The following CD53 variants were observed in gnomAD, a reference collection of about 807,000 sequenced individuals.
The protein encoded by CD53 is leukocyte surface antigen CD53.
CD53 carries 20 observed loss-of-function variants against 27.3 expected under a neutral mutation model. The observed-to-expected ratio is 0.73, with a 90% CI of 0.52 to 1.07. CD53 has a LOEUF of 1.07. CD53 is among the 50% of genes least tolerant of loss of function. The pLI, the probability that CD53 is intolerant of heterozygous loss-of-function variation, is 0.00. For synonymous variants in CD53, 106 were observed against 105.3 expected (o/e 1.01, Z -0.04); for missense variants, 216 against 264.0 (o/e 0.82, Z 1.26).
chr1:110,878,357 C>A (rs1244154615), intron 1 of CD53, among the ~76,000 whole-genome samples: 3 of 152,106 alleles, frequency 2.0e-5, no homozygotes, highest in Non-Finnish European at 2.9e-5. Flanking sequence ...CTGCCACAGG[C>A]TCTGTGTAGG....
In CD53 at chr1:110,899,229, C is replaced by A. The variant is rs79198256; in HGVS notation, c.*34C>A. The A allele has an allele frequency of 1.3e-6, 2 of 1,505,814 alleles. No individual in the cohort carries two copies. Among genetic ancestry groups the A allele is most frequent in the South Asian group, 1.1e-5 (1 of 88,870 alleles). 93.3% of individuals were successfully genotyped at this position (1,505,814 alleles called of 1,614,324 possible). On this transcript the variant is annotated 3_prime_UTR_variant, in exon 8 of 8. Transcript: ENST00000271324. ...AGTCCTGTGGTGAAGAGACTTGTTT[C>A]ATCTCCGGAAATGCAAAACCATTTA...
intron 6 of CD53, 110 bp from the exon 7 acceptor site, chr1:110,897,699 C>G (rs1292833539): frequency 4.8e-6 from 3 of 620,010 alleles, no homozygotes; most frequent in South Asian, 4.2e-5. Flanking sequence ...AATACCTAAG[C>G]CTCTTTGTAT....
At chr1:110,881,184 C>T (rs551900950) in intron 1 of CD53, among the ~76,000 whole-genome samples, 5 of 152,248 alleles carry the variant, frequency 3.3e-5, no homozygotes, top group African/African-American at 1.2e-4. Flanking sequence ...GCATCACTCA[C>T]CACAGATTGT....
At chr1:110,897,653 C>A (rs1657123428) in intron 6 of CD53, 156 bp from the exon 7 acceptor site, 4 of 485,878 alleles carry the variant, frequency 8.2e-6, no homozygotes, top group East Asian at 6.6e-5. Context: ...CCACCTTATG[C>A]CTGTTTCTTC....
chr1:110,886,870 T>TATATATA (rs1491267172), intron 1 of CD53, among the ~76,000 whole-genome samples: 23 of 35,508 alleles, frequency 6.5e-4, no homozygotes, highest in Admixed American at 3.9e-3. Flanking sequence ...TATATATATA[T>TATATATA]TTTTTTTTTC....
intron 1 of CD53, among the ~76,000 whole-genome samples, chr1:110,886,870 T>TATATATATATATA (rs1491267172): frequency 3.0e-3 from 107 of 35,512 alleles, no homozygotes; most frequent in South Asian, 0.01. Flanking sequence ...TATATATATA[T>TATATATATATATA]TTTTTTTTTC....
At chr1:110,875,725 C>G (rs1656105394) in intron 1 of CD53, among the ~76,000 whole-genome samples, 1 of 152,144 alleles carries the variant, frequency 6.6e-6, no homozygotes, top group Non-Finnish European at 1.5e-5. Context: ...AGAAAACAGA[C>G]AGCTATGCAG....
At chr1:110,894,847 G>T in intron 4 of CD53, 113 bp from the exon 5 acceptor site, 1 of 769,368 alleles carries the variant, frequency 1.3e-6, no homozygotes, top group Admixed American at 2.0e-5. Context: ...GTTCTGAGGA[G>T]ACCATTTGGA....
intron 1 of CD53, among the ~76,000 whole-genome samples, chr1:110,879,249 T>C (rs905686123): frequency 3.9e-5 from 6 of 152,156 alleles, no homozygotes; most frequent in Non-Finnish European, 5.9e-5. Context: ...ATCCTGGAAA[T>C]AGTATCTCAT....
chr1:110,892,063 AG>A (rs1387072161), intron 2 of CD53, among the ~76,000 whole-genome samples: 6 of 152,370 alleles, frequency 3.9e-5, no homozygotes, highest in African/African-American at 1.4e-4. Flanking sequence ...AGGAAAAAGA[AG>A]TTAGACCTAT....
At chr1:110,890,831 A>G (rs1391546374) in intron 1 of CD53, among the ~76,000 whole-genome samples, 2 of 152,240 alleles carry the variant, frequency 1.3e-5, no homozygotes, top group African/African-American at 4.8e-5. Context: ...TCATGGTTGC[A>G]TCTTCCACAA....
chr1:110,874,395 G>A (rs1656052081), intron 1 of CD53, among the ~76,000 whole-genome samples: 4 of 152,164 alleles, frequency 2.6e-5, no homozygotes, highest in Admixed American at 1.3e-4. Flanking sequence ...TGTGGGGGAG[G>A]GAGATGAAAA....
chr1:110,872,939 T>C (rs1570891548), upstream of CD53, among the ~76,000 whole-genome samples: 1 of 152,190 alleles, frequency 6.6e-6, no homozygotes, highest in African/African-American at 2.4e-5. Flanking sequence ...GATCTGTGCC[T>C]GAACCAACTT....
At chr1:110,895,807 AT>A (rs1657037416) in intron 5 of CD53, among the ~76,000 whole-genome samples, 1 of 152,132 alleles carries the variant, frequency 6.6e-6, no homozygotes, top group African/African-American at 2.4e-5. Flanking sequence ...AATAGTTAAC[AT>A]TTTCCAGTGT....
intron 5 of CD53, among the ~76,000 whole-genome samples, chr1:110,895,840 C>A (rs1383035070): frequency 2.0e-5 from 3 of 152,116 alleles, no homozygotes; most frequent in African/African-American, 7.2e-5. Context: ...ATTCCCCACA[C>A]TTTTTTCGTT....
At chr1:110,871,628 AT>A (rs1362004333), upstream of CD53, among the ~76,000 whole-genome samples, 1 of 152,134 alleles carries the variant, frequency 6.6e-6, no homozygotes. Flanking sequence ...AGCCATCAGA[AT>A]GGGTGAGATA....
At chr1:110,885,425 C>T (rs1212073560) in intron 1 of CD53, among the ~76,000 whole-genome samples, 1 of 152,148 alleles carries the variant, frequency 6.6e-6, no homozygotes, top group Non-Finnish European at 1.5e-5. Context: ...GTAGTCCTAG[C>T]CACTCGGGAG....
chr1:110,891,617 A>G lies in CD53; in HGVS notation c.63+146A>G. 3 of 672,094 alleles carry G rather than the reference A, an allele frequency of 4.5e-6. No homozygotes were observed. The South Asian group carries it at 5.2e-5, about 12-fold the overall frequency. 41.6% of individuals were successfully genotyped at this position (672,094 alleles called of 1,614,324 possible). A position where few individuals can be genotyped will look rare whatever the true frequency, so the allele number is the denominator to read the frequency against. On this transcript the variant is annotated intron_variant, in intron 2 of 7. Coordinates refer to ENST00000271324, the MANE Select transcript of CD53 (RefSeq NM_000560.4). ...CAACCATCCTAGAAACAAAAGAGTAATAATTTTTCCCCTCTTCCTGCCACA... is the reference window on the plus strand; with the variant it reads ...CAACCATCCTAGAAACAAAAGAGTAGTAATTTTTCCCCTCTTCCTGCCACA...
chr1:110,891,314 C>T, intron 1 of CD53, 78 bp from the exon 2 acceptor site: 1 of 989,568 alleles, frequency 1.0e-6, no homozygotes, highest in Non-Finnish European at 1.6e-6. Context: ...TGCTAGAGAT[C>T]CCTGAACATT....
Sources: allele counts gnomAD v4.1 joint callset (sites outside exome capture counted in the v4.1 genomes callset), GRCh38; gene constraint gnomAD v4.1.1; transcripts MANE v1.5; gene names NCBI Gene and HGNC (gene_info 2026-07-23, HGNC 2026-07-21).